Variants in TBL1X observed in about 807,000 individuals in gnomAD.
TBL1X encodes F-box-like/WD repeat-containing protein TBL1X.
TBL1X carries 10 observed loss-of-function variants against 50.7 expected under a neutral mutation model. That is an observed-to-expected ratio of 0.20 (90% confidence interval 0.12 to 0.33). The LOEUF (loss-of-function observed/expected upper bound fraction) is 0.33. Ranked by LOEUF, TBL1X falls within the 10% of genes least tolerant of loss-of-function variation. The probability of loss-of-function intolerance (pLI) is 1.00; values close to 1 mark genes in which losing one functional copy is unlikely to be tolerated. For synonymous variants in TBL1X, 190 were observed against 214.7 expected, an observed-to-expected ratio of 0.88 and a Z score of 1.01; for missense variants, 340 against 504.4, an observed-to-expected ratio of 0.67 and a Z score of 3.12.
In TBL1X at chrX:9,491,924, C is replaced by T. The variant is rs991295936; in HGVS notation, c.-200-9856C>T. On this transcript the variant is annotated intron_variant, in intron 1 of 17. Transcript: ENST00000645353. ...GGAGTTAAAGCTTCTCCATTCCCCA[C>T]CTCAATTGTACACAGCAAGCATGGA... is the stretch of plus-strand genomic sequence containing the variant. 3.6e-5 allele frequency among the ~76,000 whole-genome samples: 4 copies of T among 111,774 alleles called. No homozygotes were observed. The South Asian group carries it at 1.5e-3, about 42-fold the overall frequency.
At chrX:9,532,516 A>ACGCCTCC (rs2082167302) in intron 2 of TBL1X, among the ~76,000 whole-genome samples, 1 of 111,083 alleles carries the variant, frequency 9.0e-6, no homozygotes, top group South Asian at 3.8e-4. Context: ...TAGCATTCCC[A>ACGCCTCC]CGCCTCCCAC....
chrX:9,577,674 C>T (rs2082419376), intron 2 of TBL1X, among the ~76,000 whole-genome samples: 1 of 111,774 alleles, frequency 8.9e-6, no homozygotes, highest in Non-Finnish European at 1.9e-5. Flanking sequence ...GATGGAGGAG[C>T]CCTGCTTTCT....
chrX:9,497,549 C>T (rs2081977130), intron 1 of TBL1X, among the ~76,000 whole-genome samples: 2 of 110,794 alleles, frequency 1.8e-5, no homozygotes, highest in Non-Finnish European at 3.8e-5. Context: ...TGCTATGTGT[C>T]ATAAACTTGA....
intron 5 of TBL1X, among the ~76,000 whole-genome samples, chrX:9,682,930 C>A (rs772920110): frequency 3.6e-5 from 4 of 111,901 alleles, no homozygotes; most frequent in African/African-American, 1.3e-4. Flanking sequence ...GCCTTGGTGT[C>A]CACCCCACCT....
At chrX:9,492,022 T>C (rs1480450409) in intron 1 of TBL1X, among the ~76,000 whole-genome samples, 1 of 111,941 alleles carries the variant, frequency 8.9e-6, no homozygotes. Context: ...TTTGCTATGC[T>C]CAGATCAGCC....
chrX:9,472,439 CTTTTTTT>C (rs63196061), intron 1 of TBL1X, among the ~76,000 whole-genome samples: 14 of 89,626 alleles, frequency 1.6e-4, no homozygotes, highest in African/African-American at 1.7e-4. Flanking sequence ...TTTTTTCTTT[CTTTTTTT>C]TTTTTTTTTT....
At chrX:9,610,161 G>T (rs951771881) in intron 2 of TBL1X, among the ~76,000 whole-genome samples, 1 of 112,045 alleles carries the variant, frequency 8.9e-6, no homozygotes, top group African/African-American at 3.3e-5. Context: ...TTCTGTTGTT[G>T]ACTGTACCAC....
At chrX:9,608,440 G>T (rs966068244) in intron 2 of TBL1X, among the ~76,000 whole-genome samples, 3 of 112,007 alleles carry the variant, frequency 2.7e-5, no homozygotes, top group Admixed American at 9.5e-5. Context: ...CCCATCTCTT[G>T]ATAGAAGGAG....
intron 2 of TBL1X, among the ~76,000 whole-genome samples, chrX:9,573,906 T>G: frequency 8.9e-6 from 1 of 112,470 alleles, no homozygotes; most frequent in Non-Finnish European, 1.9e-5. Flanking sequence ...TAGCCCCAGC[T>G]CCTGGGTCAG....
intron 11 of TBL1X, among the ~76,000 whole-genome samples, chrX:9,694,081 C>G (rs1351046003): frequency 1.8e-5 from 2 of 111,244 alleles, no homozygotes; most frequent in Non-Finnish European, 3.8e-5. Context: ...CCAGCAACCT[C>G]GGCCTCTGTG....
At chrX:9,609,334 C>G (rs2082600214) in intron 2 of TBL1X, among the ~76,000 whole-genome samples, 1 of 67,876 alleles carries the variant, frequency 1.5e-5, no homozygotes, top group Non-Finnish European at 2.6e-5. Context: ...TGTTTTCTTC[C>G]AGGTGTGTGT....
At chrX:9,623,389 C>T (rs767537406) in intron 2 of TBL1X, among the ~76,000 whole-genome samples, 5 of 111,342 alleles carry the variant, frequency 4.5e-5, no homozygotes, top group African/African-American at 1.6e-4. Context: ...TATGGCCCTT[C>T]GAGAACAAAT....
intron 2 of TBL1X, among the ~76,000 whole-genome samples, chrX:9,512,831 G>A (rs781631513): frequency 9.0e-6 from 1 of 111,720 alleles, no homozygotes; most frequent in Non-Finnish European, 1.9e-5. Context: ...GACACCTAGT[G>A]CCTTTCCCGT....
chrX:9,537,740 T>C (rs1223927274), intron 2 of TBL1X, among the ~76,000 whole-genome samples: 1 of 112,767 alleles, frequency 8.9e-6, no homozygotes, highest in African/African-American at 3.2e-5. Flanking sequence ...CTTTCACCTT[T>C]TGGCTGTTGT....
chrX:9,702,817 G>C (rs183304647), intron 12 of TBL1X, among the ~76,000 whole-genome samples: 1 of 111,527 alleles, frequency 9.0e-6, no homozygotes, highest in Non-Finnish European at 1.9e-5. Flanking sequence ...ACCAATGAGA[G>C]TTCTTGGCTG....
chrX:9,714,205 G>GTT (rs1412879474), intron 16 of TBL1X, among the ~76,000 whole-genome samples: 1 of 111,908 alleles, frequency 8.9e-6, no homozygotes, highest in Non-Finnish European at 1.9e-5. Flanking sequence ...GGTCTGTGGT[G>GTT]TTTTCCATTA....
intron 9 of TBL1X, among the ~76,000 whole-genome samples, chrX:9,692,732 A>G (rs1361719707): frequency 1.8e-5 from 2 of 112,773 alleles, no homozygotes; most frequent in African/African-American, 3.2e-5. Context: ...AGAGCTATTA[A>G]CAAGGCTGCA....
chrX:9,575,758 T>C (rs1240901419), intron 2 of TBL1X, among the ~76,000 whole-genome samples: 1 of 112,292 alleles, frequency 8.9e-6, no homozygotes, highest in East Asian at 2.8e-4. Flanking sequence ...ACAGATTATC[T>C]GTGTACTATA....
Position 9,653,559 on chromosome X carries a change from T to G in TBL1X, c.-28T>G. On this transcript the variant is annotated 5_prime_UTR_variant, in exon 4 of 18. Transcript: ENST00000645353. ...TTTTCCACCAGGAGCCCTGGCCTCC[T>G]TGCAGAAACATCGAGGTGACATGTA... is the stretch of plus-strand genomic sequence containing the variant. 3.5e-6 allele frequency: 4 copies of G among 1,151,049 alleles called. No homozygotes were observed. The highest frequency in any genetic ancestry group is 4.6e-6 in the Non-Finnish European group (4 of 860,413). The allele number at this position is 1,151,049 out of a possible 1,213,427, so 94.9% of individuals were successfully genotyped here.
Sources: allele counts gnomAD v4.1 joint callset (sites outside exome capture counted in the v4.1 genomes callset), GRCh38; gene constraint gnomAD v4.1.1; transcripts MANE v1.5; gene names NCBI Gene and HGNC (gene_info 2026-07-23, HGNC 2026-07-21).